C8orf74: variants seen among roughly 807,000 people sequenced by gnomAD.
C8orf74 encodes the protein chromosome 8 open reading frame 74.
Under a neutral mutation model 22.2 loss-of-function variants are expected in C8orf74, and 29 were observed. The observed-to-expected ratio is 1.31, with a 90% CI of 0.97 to 1.78. The LOEUF (loss-of-function observed/expected upper bound fraction) is 1.78, where lower values mean the gene tolerates loss of function less well. C8orf74 is among the 40% of genes most tolerant of loss of function. The pLI, the probability that C8orf74 is intolerant of heterozygous loss-of-function variation, is 0.00. For missense variants in C8orf74, 515 were observed against 369.9 expected, an observed-to-expected ratio of 1.39 and a Z score of -3.22; for synonymous variants, 255 against 163.1, an observed-to-expected ratio of 1.56 and a Z score of -4.30.
intron 2 of C8orf74, 131 bp from the exon 3 acceptor site, chr8:10,697,468 A>G (rs1799547119): frequency 1.4e-6 from 1 of 721,694 alleles, no homozygotes; most frequent in African/African-American, 1.8e-5. Flanking sequence ...AAATAGAAAT[A>G]AATATTTTTT....
intron 2 of C8orf74, among the ~76,000 whole-genome samples, chr8:10,693,716 C>T (rs1799431758): frequency 6.6e-6 from 1 of 152,200 alleles, no homozygotes; most frequent in Non-Finnish European, 1.5e-5. Context: ...TTGGTAGGCC[C>T]ACTGTCCCTC....
intron 2 of C8orf74, among the ~76,000 whole-genome samples, chr8:10,678,970 C>T (rs75576250): frequency 6.6e-6 from 1 of 152,182 alleles, no homozygotes; most frequent in African/African-American, 2.4e-5. Context: ...CCCCCAGATG[C>T]CGAGGGTAGA....
chr8:10,678,610 A>T (rs940806027), intron 2 of C8orf74, among the ~76,000 whole-genome samples: 4 of 151,656 alleles, frequency 2.6e-5, no homozygotes, highest in Non-Finnish European at 5.9e-5. Flanking sequence ...AAAAAAAAAA[A>T]AGCAAACTGC....
intron 2 of C8orf74, among the ~76,000 whole-genome samples, chr8:10,678,352 G>T (rs774238820): frequency 4.6e-5 from 7 of 152,206 alleles, no homozygotes; most frequent in Non-Finnish European, 8.8e-5. Context: ...CGGTGCCTAG[G>T]AAGCGCCCAG....
chr8:10,699,345 C>T (rs1361220215), intron 3 of C8orf74, among the ~76,000 whole-genome samples: 1 of 152,194 alleles, frequency 6.6e-6, no homozygotes, highest in African/African-American at 2.4e-5. Context: ...AAACACCACG[C>T]ATTCTCTTAT....
chr8:10,673,280 T>A (rs905526722), intron 1 of C8orf74, among the ~76,000 whole-genome samples: 4 of 152,142 alleles, frequency 2.6e-5, no homozygotes, highest in Non-Finnish European at 5.9e-5. Context: ...CCACTTCCTT[T>A]AAGTGGCACT....
intron 2 of C8orf74, chr8:10,679,925 A>C (rs1298619678): frequency 1.3e-5 from 2 of 152,716 alleles, no homozygotes; most frequent in Non-Finnish European, 2.9e-5. Context: ...CCTCAGCTGG[A>C]GAGTGAGGAA....
At chr8:10,698,901 C>CCCCACA (rs1554470268) in intron 3 of C8orf74, among the ~76,000 whole-genome samples, 1 of 137,522 alleles carries the variant, frequency 7.3e-6, no homozygotes, top group Non-Finnish European at 1.6e-5. Context: ...TACACACACA[C>CCCCACA]CACACACACA....
intron 2 of C8orf74, among the ~76,000 whole-genome samples, chr8:10,675,404 C>T (rs992095495): frequency 1.3e-5 from 2 of 152,206 alleles, no homozygotes; most frequent in Non-Finnish European, 2.9e-5. Context: ...AGTGCAGATT[C>T]ATTCATTAAG....
intron 1 of C8orf74, 21 bp downstream of exon 1, chr8:10,672,734 G>A (rs1161058470): frequency 5.8e-6 from 9 of 1,551,988 alleles, no homozygotes; most frequent in Middle Eastern, 3.3e-4. Flanking sequence ...AGAAAATGTG[G>A]CTTTTAAACA....
Position 10,700,369 on chromosome 8 carries a change from C to CG in C8orf74, c.783_784insG (p.Pro262AlafsTer58). On this transcript the variant is annotated frameshift_variant, in exon 4 of 4. Transcript: ENST00000304519. LOFTEE classifies it low-confidence loss of function (END_TRUNC). ...AGAAGAAGACTCTGAACCTCAACGC[C>CG]CCCACCCCTATCCCGCCCCCCATCA... 2 of 1,609,078 alleles carry CG rather than the reference C, an allele frequency of 1.2e-6. No individual in the cohort carries two copies. The highest frequency in any genetic ancestry group is 1.7e-6 in the Non-Finnish European group (2 of 1,175,620).
intron 2 of C8orf74, chr8:10,692,995 G>A (rs1273792744): frequency 6.6e-6 from 1 of 152,312 alleles, no homozygotes; most frequent in Non-Finnish European, 1.5e-5. Flanking sequence ...TCTGGAGAAA[G>A]ACTCCATCGG....
At chr8:10,687,930 G>C (rs1055274875) in intron 2 of C8orf74, among the ~76,000 whole-genome samples, 5 of 152,148 alleles carry the variant, frequency 3.3e-5, no homozygotes, top group African/African-American at 1.2e-4. Context: ...GCCAGGCCAG[G>C]TGCAGTGGCT....
At chr8:10,673,942 C>T (rs1360748569) in intron 1 of C8orf74, among the ~76,000 whole-genome samples, 1 of 145,222 alleles carries the variant, frequency 6.9e-6, no homozygotes, top group Non-Finnish European at 1.5e-5. Flanking sequence ...AGCCCCATAT[C>T]ATACCCTCCG....
At chr8:10,677,661 C>A (rs1461221951) in intron 2 of C8orf74, among the ~76,000 whole-genome samples, 1 of 152,098 alleles carries the variant, frequency 6.6e-6, no homozygotes, top group African/African-American at 2.4e-5. Flanking sequence ...TCTCTTGCTG[C>A]CCTCATCCAG....
At chr8:10,693,329 G>A (rs893295548) in intron 2 of C8orf74, among the ~76,000 whole-genome samples, 1 of 152,060 alleles carries the variant, frequency 6.6e-6, no homozygotes, top group African/African-American at 2.4e-5. Flanking sequence ...CCTCCTCAGG[G>A]AAGCCCTTCC....
At chr8:10,672,797 C>A in intron 1 of C8orf74, 84 bp downstream of exon 1, 3 of 1,280,582 alleles carry the variant, frequency 2.3e-6, no homozygotes, top group Non-Finnish European at 3.3e-6. Flanking sequence ...AGCGCCTCTT[C>A]AGGAGACCCC....
intron 2 of C8orf74, among the ~76,000 whole-genome samples, chr8:10,676,705 T>A (rs1408640782): frequency 1.3e-5 from 2 of 152,092 alleles, no homozygotes; most frequent in African/African-American, 2.4e-5. Context: ...GGACATCTCA[T>A]CCCCCTCCTG....
At chr8:10,689,417 T>G (rs1423640473) in intron 2 of C8orf74, 3 of 152,232 alleles carry the variant, frequency 2.0e-5, no homozygotes, top group Non-Finnish European at 2.9e-5. Context: ...CCATGCCTTT[T>G]GGTGATCTGC....
Sources: allele counts gnomAD v4.1 joint callset (sites outside exome capture counted in the v4.1 genomes callset), GRCh38; gene constraint gnomAD v4.1.1; transcripts MANE v1.5; gene names NCBI Gene and HGNC (gene_info 2026-07-23, HGNC 2026-07-21).